Variants in SNTG1 observed in about 807,000 individuals in gnomAD.
The protein encoded by SNTG1 is gamma-1-syntrophin.
Under a neutral mutation model 74.7 loss-of-function variants are expected in SNTG1, and 39 were observed. The ratio of observed to expected loss-of-function variants is 0.52; its 90% CI spans 0.40 to 0.68. SNTG1 has a LOEUF of 0.68. SNTG1 is among the 30% of genes least tolerant of loss of function. The pLI, the probability that SNTG1 is intolerant of heterozygous loss-of-function variation, is 0.00. For missense variants in SNTG1, 685 were observed against 609.5 expected (o/e 1.12, Z -1.30); for synonymous variants, 254 against 217.1 (o/e 1.17, Z -1.49).
chr8:50,517,129 G>C (rs1410377217), intron 9 of SNTG1, among the ~76,000 whole-genome samples: 1 of 152,128 alleles, frequency 6.6e-6, no homozygotes, highest in Non-Finnish European at 1.5e-5. Flanking sequence ...GAAGAGAGTG[G>C]GGGCTAATAT....
intron 13 of SNTG1, among the ~76,000 whole-genome samples, chr8:50,642,386 C>T (rs2095079149): frequency 6.6e-6 from 1 of 152,156 alleles, no homozygotes; most frequent in Non-Finnish European, 1.5e-5. Flanking sequence ...TTCTGTCTCT[C>T]CTCTGTTCAA....
chr8:50,404,562 C>A (rs1310585986), intron 4 of SNTG1, among the ~76,000 whole-genome samples: 1 of 151,786 alleles, frequency 6.6e-6, no homozygotes, highest in Non-Finnish European at 1.5e-5. Flanking sequence ...TAAATTCAGG[C>A]ATAGCAATCA....
At chr8:50,233,692 T>C (rs1586788803) in intron 2 of SNTG1, among the ~76,000 whole-genome samples, 1 of 148,796 alleles carries the variant, frequency 6.7e-6, no homozygotes, top group East Asian at 2.0e-4. Flanking sequence ...TATAAAGAAT[T>C]CTCAAAACTT....
chr8:50,245,908 T>TAA (rs897225364), intron 2 of SNTG1, among the ~76,000 whole-genome samples: 14 of 152,132 alleles, frequency 9.2e-5, no homozygotes, highest in African/African-American at 3.1e-4. Context: ...ACTTTGTCGA[T>TAA]TATTAAGAAT....
At chr8:50,509,825 A>T (rs905639535) in intron 9 of SNTG1, among the ~76,000 whole-genome samples, 2 of 152,104 alleles carry the variant, frequency 1.3e-5, no homozygotes, top group Non-Finnish European at 2.9e-5. Flanking sequence ...GGCTGAGATG[A>T]TGGGGTTTTC....
At chr8:50,410,737 A>C (rs1000275139) in intron 4 of SNTG1, among the ~76,000 whole-genome samples, 1 of 151,996 alleles carries the variant, frequency 6.6e-6, no homozygotes, top group Non-Finnish European at 1.5e-5. Context: ...TTTTTTTTAG[A>C]TTATGCATGT....
intron 1 of SNTG1, among the ~76,000 whole-genome samples, chr8:49,922,493 A>G (rs79135152): frequency 0.013 from 1,965 of 152,168 alleles, 21 homozygotes; most frequent in South Asian, 0.024. Context: ...GAGCATTTAC[A>G]TTGAGTCACA....
intron 2 of SNTG1, among the ~76,000 whole-genome samples, chr8:50,257,296 T>TAA (rs2130014770): frequency 1.3e-5 from 2 of 152,286 alleles, no homozygotes; most frequent in East Asian, 3.9e-4. Context: ...GTAGTTTTCT[T>TAA]GCCAGGAGGA....
intron 4 of SNTG1, among the ~76,000 whole-genome samples, chr8:50,412,101 A>AT (rs1318391755): frequency 2.0e-5 from 3 of 152,134 alleles, no homozygotes; most frequent in Non-Finnish European, 4.4e-5. Flanking sequence ...AACAGAGTTA[A>AT]TTTTTTTGTG....
At chr8:50,030,937 A>G (rs1402985781) in intron 1 of SNTG1, among the ~76,000 whole-genome samples, 2 of 151,950 alleles carry the variant, frequency 1.3e-5, no homozygotes, top group Non-Finnish European at 2.9e-5. Context: ...GAGAATTGAC[A>G]TATTTACTAT....
At chr8:50,302,751 G>A (rs911635852) in intron 2 of SNTG1, among the ~76,000 whole-genome samples, 5 of 151,736 alleles carry the variant, frequency 3.3e-5, no homozygotes, top group Non-Finnish European at 7.4e-5. Context: ...AACATAACAC[G>A]GGGGCCCTCA....
intron 15 of SNTG1, among the ~76,000 whole-genome samples, chr8:50,682,215 A>C (rs2095333994): frequency 6.6e-6 from 1 of 152,172 alleles, no homozygotes; most frequent in Admixed American, 6.5e-5. Context: ...TTCCTGATGT[A>C]GGTAGTCCCT....
chr8:50,194,379 C>T (rs1267955459), intron 2 of SNTG1, among the ~76,000 whole-genome samples: 1 of 152,000 alleles, frequency 6.6e-6, no homozygotes, highest in Admixed American at 6.6e-5. Flanking sequence ...GTATCTAATT[C>T]TTCTTGATTT....
intron 1 of SNTG1, among the ~76,000 whole-genome samples, chr8:50,078,718 C>T (rs555372533): frequency 1.3e-5 from 2 of 152,104 alleles, no homozygotes; most frequent in African/African-American, 2.4e-5. Context: ...CTCTAGCCCC[C>T]CAACCCTCGA....
At chr8:50,227,264 T>C (rs1328286355) in intron 2 of SNTG1, among the ~76,000 whole-genome samples, 1 of 152,172 alleles carries the variant, frequency 6.6e-6, no homozygotes, top group Non-Finnish European at 1.5e-5. Flanking sequence ...AAGTGTAGAA[T>C]AGCATAAGAA....
chr8:50,446,881 T>C (rs983671923), intron 5 of SNTG1, among the ~76,000 whole-genome samples: 11 of 152,184 alleles, frequency 7.2e-5, no homozygotes, highest in African/African-American at 2.7e-4. Context: ...GCAGACAGTA[T>C]TGAATCTTAC....
intron 5 of SNTG1, among the ~76,000 whole-genome samples, chr8:50,446,199 A>G (rs1024317589): frequency 6.6e-6 from 1 of 152,198 alleles, no homozygotes; most frequent in Non-Finnish European, 1.5e-5. Flanking sequence ...TAGGCCCTGC[A>G]CTAAATCTAA....
intron 1 of SNTG1, among the ~76,000 whole-genome samples, chr8:50,156,425 T>C (rs1233913039): frequency 1.3e-5 from 2 of 152,066 alleles, no homozygotes; most frequent in Admixed American, 1.3e-4. Context: ...CATAAAAGGA[T>C]AACACATGTT....
chr8:50,512,729 T>A (rs2094092741), intron 9 of SNTG1, among the ~76,000 whole-genome samples: 1 of 152,228 alleles, frequency 6.6e-6, no homozygotes, highest in South Asian at 2.1e-4. Flanking sequence ...GCTTGTGCAT[T>A]CATCATGTAG....
Sources: gnomAD v4.1 joint callset for allele counts (sites outside exome capture counted in the v4.1 genomes callset) on GRCh38, gnomAD v4.1.1 for gene constraint, MANE v1.5 for transcripts, NCBI Gene and HGNC (gene_info 2026-07-23, HGNC 2026-07-21) for gene names.